DUSP14: variants seen among roughly 807,000 people sequenced by gnomAD.
The protein encoded by DUSP14 is dual specificity phosphatase 14.
A neutral mutation model predicts 13.2 loss-of-function variants in DUSP14; 5 were observed. That is an observed-to-expected ratio of 0.38 (90% CI 0.20 to 0.80). The LOEUF (loss-of-function observed/expected upper bound fraction) is 0.80, where lower values mean the gene tolerates loss of function less well. Ranked by LOEUF, DUSP14 falls within the 30% of genes least tolerant of loss-of-function variation. The pLI is 0.44. For missense variants in DUSP14, 185 were observed against 264.0 expected (o/e 0.70, Z 2.07); for synonymous variants, 91 against 103.4 (o/e 0.88, Z 0.73).
chr17:37,502,046 A>G (rs1434420719), intron 1 of DUSP14, among the ~76,000 whole-genome samples: 1 of 152,148 alleles, frequency 6.6e-6, no homozygotes, highest in Non-Finnish European at 1.5e-5. Flanking sequence ...TTAGATGATA[A>G]AATCCTAGCA....
intron 1 of DUSP14, among the ~76,000 whole-genome samples, chr17:37,508,116 C>T (rs1046116598): frequency 6.6e-6 from 1 of 152,244 alleles, no homozygotes; most frequent in Non-Finnish European, 1.5e-5. Flanking sequence ...GCTCCCAAAG[C>T]GAGGCCTAGC....
chr17:37,501,527 C>T (rs917112523), intron 1 of DUSP14, among the ~76,000 whole-genome samples: 2 of 148,250 alleles, frequency 1.3e-5, no homozygotes, highest in Non-Finnish European at 3.0e-5. Context: ...ACAGGAGGCT[C>T]TTTTTTTTTT....
Position 37,512,262 on chromosome 17 carries a change from C to T in DUSP14, c.-11C>T. 6.3e-7 allele frequency: 1 copy of T among 1,583,076 alleles called. No individual in the cohort carries two copies. The highest frequency in any genetic ancestry group is 1.1e-5 in the South Asian group (1 of 87,780). ...GCCGCCAACGATGCAAGTGTGACTG[C>T]TGGCGTCTTCATGAGCTCCAGAGGT... On this transcript the variant is annotated 5_prime_UTR_variant, in exon 3 of 3. Coordinates refer to ENST00000617516, the MANE Select transcript of DUSP14 (RefSeq NM_007026.4). This position sits in a 1 kb window ranked among gnomAD's most constrained non-coding sequence, Gnocchi z 4.8.
intron 2 of DUSP14, among the ~76,000 whole-genome samples, chr17:37,511,202 G>A (rs996131948): frequency 6.6e-6 from 1 of 152,096 alleles, no homozygotes; most frequent in Non-Finnish European, 1.5e-5. Flanking sequence ...GAAGACCATG[G>A]CCTTCAAATT....
At chr17:37,499,622 C>T (rs853213) in intron 1 of DUSP14, among the ~76,000 whole-genome samples, 29,681 of 152,048 alleles carry the variant, frequency 0.2, 3,306 homozygotes, top group East Asian at 0.55. Flanking sequence ...TCCATCCCCC[C>T]GGGTTCAAGC....
chr17:37,496,455 A>C (rs1024494174), intron 1 of DUSP14, among the ~76,000 whole-genome samples: 2 of 151,652 alleles, frequency 1.3e-5, no homozygotes, highest in African/African-American at 4.8e-5. Flanking sequence ...ATAAAAATGT[A>C]AAAATTAGCC....
chr17:37,498,336 T>TTTTTTTTTTTTTTTTTTTTTTA (rs2054080048), intron 1 of DUSP14, among the ~76,000 whole-genome samples: 1 of 96,552 alleles, frequency 1.0e-5, no homozygotes, highest in African/African-American at 4.7e-5. Flanking sequence ...TTTTTTTTTT[T>TTTTTTTTTTTTTTTTTTTTTTA]TTTTTTTTGA....
intron 1 of DUSP14, among the ~76,000 whole-genome samples, chr17:37,509,142 C>T (rs1319719947): frequency 0.23 from 8,651 of 37,448 alleles, 1,941 homozygotes; most frequent in East Asian, 0.8. Flanking sequence ...CACACACACA[C>T]ACACACACAC....
At chr17:37,490,287 T>G (rs1423601272) in intron 1 of DUSP14, among the ~76,000 whole-genome samples, 1 of 151,948 alleles carries the variant, frequency 6.6e-6, no homozygotes, top group Non-Finnish European at 1.5e-5. Context: ...CGGCCGCGCC[T>G]CCTCCGTCGC....
At chr17:37,489,509 T>C (rs2054010126), upstream of DUSP14, among the ~76,000 whole-genome samples, 1 of 152,094 alleles carries the variant, frequency 6.6e-6, no homozygotes, top group African/African-American at 2.4e-5. Flanking sequence ...CGGATTTGCT[T>C]TCTCGCCTTT....
intron 1 of DUSP14, among the ~76,000 whole-genome samples, chr17:37,508,762 A>T (rs902248439): frequency 6.2e-5 from 9 of 144,474 alleles, no homozygotes. Context: ...TGTATGTATA[A>T]ATAAATATAT....
chr17:37,499,040 A>G (rs892781969), intron 1 of DUSP14, among the ~76,000 whole-genome samples: 2 of 152,216 alleles, frequency 1.3e-5, no homozygotes, highest in Non-Finnish European at 2.9e-5. Flanking sequence ...GCTATGAAGA[A>G]CTGCCTGAGA....
intron 1 of DUSP14, among the ~76,000 whole-genome samples, chr17:37,500,795 A>C (rs746328846): frequency 1.3e-5 from 2 of 152,138 alleles, no homozygotes; most frequent in Admixed American, 6.6e-5. Context: ...TTTTTATTGG[A>C]TATTTCACAC....
chr17:37,501,297 C>T (rs1475302218), intron 1 of DUSP14, among the ~76,000 whole-genome samples: 2 of 152,160 alleles, frequency 1.3e-5, no homozygotes, highest in Non-Finnish European at 2.9e-5. Context: ...TCAGTTTGCA[C>T]TTTTCAAAAA....
In DUSP14 at chr17:37,509,692, A is replaced by G. The variant is rs1297508856; in HGVS notation, c.-180-985A>G. Among the ~76,000 whole-genome samples the G allele has an allele frequency of 2.0e-5, 3 of 152,122 alleles. No individual in the cohort carries two copies. The East Asian group carries it at 5.8e-4, about 29-fold the overall frequency. ...AAAGTCTAGAGTGCAAACCATAGTGATAAGAAAGATCAGTGGTTGCCTGGG... is the reference window on the plus strand; with the variant it reads ...AAAGTCTAGAGTGCAAACCATAGTGGTAAGAAAGATCAGTGGTTGCCTGGG... On this transcript the variant is annotated intron_variant, in intron 1 of 2. Transcript: ENST00000617516.
At chr17:37,501,500 C>G (rs1265320484) in intron 1 of DUSP14, among the ~76,000 whole-genome samples, 1 of 151,990 alleles carries the variant, frequency 6.6e-6, no homozygotes, top group Non-Finnish European at 1.5e-5. Context: ...GAGAATAGCC[C>G]CCATTCCAAG....
intron 1 of DUSP14, among the ~76,000 whole-genome samples, chr17:37,498,314 CTTTTTTTTTTTTTT>C (rs765033929): frequency 5.7e-5 from 4 of 70,558 alleles, no homozygotes; most frequent in Non-Finnish European, 9.9e-5. Context: ...TAGATTGTAT[CTTTTTTTTTTTTTT>C]TTTTTTTTTT....
At chr17:37,511,803 G>C (rs1377768365) in intron 2 of DUSP14, among the ~76,000 whole-genome samples, 4 of 150,432 alleles carry the variant, frequency 2.7e-5, no homozygotes, top group African/African-American at 9.8e-5. Flanking sequence ...TGTAGAGATG[G>C]GGTCTCACTG....
chr17:37,507,394 G>C (rs139825382), intron 1 of DUSP14, among the ~76,000 whole-genome samples: 2 of 152,198 alleles, frequency 1.3e-5, no homozygotes, highest in African/African-American at 4.8e-5. Context: ...CGAGTTAACG[G>C]AATCAGCCCG....
Sources: allele counts gnomAD v4.1 joint callset (sites outside exome capture counted in the v4.1 genomes callset), GRCh38; gene constraint gnomAD v4.1.1; non-coding constraint Gnocchi (gnomAD v3.1); transcripts MANE v1.5; gene names NCBI Gene and HGNC (gene_info 2026-07-23, HGNC 2026-07-21).